The following DENND1A variants were observed in gnomAD, a reference collection of about 807,000 sequenced individuals.
The protein encoded by DENND1A is DENN domain-containing protein 1A.
A neutral mutation model predicts 113.7 loss-of-function variants in DENND1A; 51 were observed. The ratio of observed to expected loss-of-function variants is 0.45; its 90% confidence interval spans 0.36 to 0.57. The LOEUF is 0.57. Among genes scored for constraint, DENND1A ranks in the 20% least tolerant of loss-of-function variants. The probability of loss-of-function intolerance (pLI) is 0.00; values close to 1 mark genes in which losing one functional copy is unlikely to be tolerated. For synonymous variants in DENND1A, 565 were observed against 570.8 expected (o/e 0.99, Z 0.14); for missense variants, 1,258 against 1,395.9 (o/e 0.90, Z 1.57).
intron 2 of DENND1A, among the ~76,000 whole-genome samples, chr9:123,811,538 T>C (rs1836605343): frequency 6.6e-6 from 1 of 152,130 alleles, no homozygotes; most frequent in Non-Finnish European, 1.5e-5. Context: ...GGCGGGCAGA[T>C]CACAAGGTCA....
rs144036086 is a variant in DENND1A, at chr9:123,382,424, T to G, written c.2221A>C (p.Ile741Leu). The change falls in exon 24 of 24, where the codon ATC becomes CTC. Residue 741 changes from isoleucine to leucine, a missense_variant. By Grantham distance (5) the Ile-to-Leu change is conservative. Coordinates refer to ENST00000394215, the MANE Select transcript of DENND1A (RefSeq NM_001352964.2). ...LPRRPQNRDS[I>L]LNPSDKEEVP... is the part of the protein sequence containing the mutation. Reference sequence around the variant, plus strand: ...TCCTCCTTGTCACTGGGGTTCAGGATGCTGTCCCGGTTCTGGGGCCTTCGA... The same window carrying G: ...TCCTCCTTGTCACTGGGGTTCAGGAGGCTGTCCCGGTTCTGGGGCCTTCGA... 1 of 1,607,544 alleles carries G rather than the reference T, an allele frequency of 6.2e-7. No homozygotes were observed. Among genetic ancestry groups the G allele is most frequent in the Non-Finnish European group, 8.5e-7 (1 of 1,176,726 alleles).
chr9:123,884,240 A>G (rs2536951), intron 1 of DENND1A, among the ~76,000 whole-genome samples: 59,449 of 151,878 alleles, frequency 0.39, 15,148 homozygotes, highest in African/African-American at 0.73. Context: ...TTACTCTTCA[A>G]GATGTTTAAT....
chr9:123,641,867 T>C (rs2062046986), intron 9 of DENND1A, among the ~76,000 whole-genome samples: 1 of 152,216 alleles, frequency 6.6e-6, no homozygotes, highest in Non-Finnish European at 1.5e-5. Flanking sequence ...TGAACCAGAA[T>C]GTCTGGAGAT....
chr9:123,538,139 T>G (rs2055934005), intron 13 of DENND1A, among the ~76,000 whole-genome samples: 1 of 152,248 alleles, frequency 6.6e-6, no homozygotes, highest in Admixed American at 6.5e-5. Context: ...ATGTGTATTA[T>G]TTTTGGAGAT....
At chr9:123,408,345 A>G (rs2044046572) in intron 20 of DENND1A, among the ~76,000 whole-genome samples, 2 of 152,248 alleles carry the variant, frequency 1.3e-5, no homozygotes, top group South Asian at 4.1e-4. Flanking sequence ...AGGGGCCCAG[A>G]AAGCACAAAT....
At chr9:123,520,111 G>A (rs973262820) in intron 13 of DENND1A, among the ~76,000 whole-genome samples, 4 of 125,776 alleles carry the variant, frequency 3.2e-5, no homozygotes, top group African/African-American at 9.4e-5. Flanking sequence ...GACTACCACC[G>A]TACTCTAGCC....
At chr9:123,758,859 G>C (rs1362455701) in intron 4 of DENND1A, among the ~76,000 whole-genome samples, 2 of 152,112 alleles carry the variant, frequency 1.3e-5, no homozygotes, top group African/African-American at 4.8e-5. Context: ...GGAGTGCAGT[G>C]GTGTGATCTC....
chr9:123,843,502 C>T (rs1039110284), intron 2 of DENND1A: 1 of 275,336 alleles, frequency 3.6e-6, no homozygotes, highest in Non-Finnish European at 7.3e-6. Context: ...CAGATCATTA[C>T]AATTTCTAGT....
At chr9:123,648,246 T>C (rs1342749919) in intron 9 of DENND1A, among the ~76,000 whole-genome samples, 1 of 152,178 alleles carries the variant, frequency 6.6e-6, no homozygotes, top group Non-Finnish European at 1.5e-5. Context: ...CGCTCATTTT[T>C]AATTTTCTTT....
At chr9:123,585,337 C>G (rs753960493) in intron 11 of DENND1A, among the ~76,000 whole-genome samples, 3 of 152,182 alleles carry the variant, frequency 2.0e-5, no homozygotes, top group African/African-American at 7.2e-5. Flanking sequence ...TACCTGCTGC[C>G]TTATTTATAG....
At chr9:123,496,306 G>T (rs770583253) in intron 13 of DENND1A, among the ~76,000 whole-genome samples, 2 of 152,206 alleles carry the variant, frequency 1.3e-5, no homozygotes, top group Non-Finnish European at 1.5e-5. Context: ...GAGATTTAAA[G>T]ATCTGAAAGT....
intron 5 of DENND1A, among the ~76,000 whole-genome samples, chr9:123,735,563 CTCAG>C (rs2068500997): frequency 6.6e-6 from 1 of 152,216 alleles, no homozygotes; most frequent in South Asian, 2.1e-4. Flanking sequence ...ACATACCACA[CTCAG>C]TATTTGCCTG....
chr9:123,571,325 G>A (rs962920988), intron 12 of DENND1A, among the ~76,000 whole-genome samples: 1 of 152,156 alleles, frequency 6.6e-6, no homozygotes, highest in Non-Finnish European at 1.5e-5. Context: ...ATATATAATA[G>A]AATGCATACA....
At chr9:123,512,476 T>TG (rs2053539613) in intron 13 of DENND1A, among the ~76,000 whole-genome samples, 1 of 152,184 alleles carries the variant, frequency 6.6e-6, no homozygotes, top group African/African-American at 2.4e-5. Flanking sequence ...GACTTGGACT[T>TG]GGAGATTCAA....
intron 9 of DENND1A, among the ~76,000 whole-genome samples, chr9:123,631,444 A>G (rs1328065071): frequency 6.6e-6 from 1 of 152,244 alleles, no homozygotes; most frequent in East Asian, 1.9e-4. Context: ...TGAAATGCAA[A>G]GAATACCCAG....
chr9:123,417,773 T>C (rs1329321900), intron 19 of DENND1A, among the ~76,000 whole-genome samples: 1 of 152,090 alleles, frequency 6.6e-6, no homozygotes, highest in African/African-American at 2.4e-5. Context: ...ATTTGTCCAT[T>C]CATTCAACAA....
chr9:123,749,188 A>G (rs1034731467), intron 5 of DENND1A, among the ~76,000 whole-genome samples: 3 of 152,206 alleles, frequency 2.0e-5, no homozygotes, highest in African/African-American at 7.2e-5. Context: ...TTGGAACAAA[A>G]ATCTTCCTGT....
rs1215014185 is a variant in DENND1A, at chr9:123,818,519, T to TACACAC, written c.89-25895_89-25890dup. ...ATATTGGCATATATATACATACATA[T>TACACAC]ACACACACACACACACACACACACA... is the stretch of plus-strand genomic sequence containing the variant. On this transcript the variant is annotated intron_variant, in intron 2 of 23. Coordinates refer to ENST00000394215, the MANE Select transcript of DENND1A (RefSeq NM_001352964.2). 4.7e-3 allele frequency among the ~76,000 whole-genome samples: 532 copies of TACACAC among 112,122 alleles called. 1 individual carries two copies. Among genetic ancestry groups the TACACAC allele is most frequent in the Non-Finnish European group, 6.6e-3 (379 of 57,348 alleles). 73.6% of individuals were successfully genotyped at this position (112,122 alleles called of 152,430 possible).
intron 5 of DENND1A, among the ~76,000 whole-genome samples, chr9:123,725,777 C>T (rs776618625): frequency 2.6e-5 from 4 of 152,220 alleles, no homozygotes; most frequent in Admixed American, 6.5e-5. Context: ...CTTGTGCTTT[C>T]GGGCTGTGAC....
Sources: gnomAD v4.1 joint callset for allele counts (sites outside exome capture counted in the v4.1 genomes callset) on GRCh38, gnomAD v4.1.1 for gene constraint, MANE v1.5 for transcripts, NCBI Gene and HGNC (gene_info 2026-07-23, HGNC 2026-07-21) for gene names.